VPS13C: variants seen among roughly 807,000 people sequenced by gnomAD.
The protein encoded by VPS13C is intermembrane lipid transfer protein VPS13C.
In VPS13C, 358 loss-of-function variants were observed where a neutral mutation model predicts 456.8. That is an observed-to-expected ratio of 0.78 (90% CI 0.72 to 0.86). The LOEUF (loss-of-function observed/expected upper bound fraction) is 0.86. Ranked by LOEUF, VPS13C falls within the 40% of genes least tolerant of loss-of-function variation. The pLI, the probability that VPS13C is intolerant of heterozygous loss-of-function variation, is 0.00. For synonymous variants in VPS13C, 1,578 were observed against 1,486.7 expected (o/e 1.06, Z -1.41); for missense variants, 4,818 against 4,385.4 (o/e 1.10, Z -2.79).
intron 4 of VPS13C, 58 bp downstream of exon 4, chr15:62,034,899 G>C (rs2047936972): frequency 1.7e-6 from 2 of 1,166,554 alleles, no homozygotes; most frequent in Non-Finnish European, 2.5e-6. Context: ...ACTTAACTCA[G>C]ATAACAATTT....
chr15:62,037,442 TTAAA>T (rs1241593266), intron 3 of VPS13C, among the ~76,000 whole-genome samples: 3 of 124,828 alleles, frequency 2.4e-5, no homozygotes, highest in African/African-American at 6.2e-5. Context: ...ATAATATATA[TTAAA>T]TAAATATATA....
At chr15:61,982,023 T>C (rs2045904133) in intron 21 of VPS13C, among the ~76,000 whole-genome samples, 1 of 152,206 alleles carries the variant, frequency 6.6e-6, no homozygotes, top group Non-Finnish European at 1.5e-5. Flanking sequence ...AAACCCAACA[T>C]AGCTAGTACT....
chr15:61,937,453 C>T (rs956265755), intron 47 of VPS13C, among the ~76,000 whole-genome samples: 11 of 152,062 alleles, frequency 7.2e-5, no homozygotes, highest in African/African-American at 2.7e-4. Flanking sequence ...AGTTTCTTAA[C>T]GTCCTTAACT....
intron 6 of VPS13C, among the ~76,000 whole-genome samples, chr15:62,027,007 T>G (rs940625126): frequency 6.6e-6 from 1 of 152,028 alleles, no homozygotes; most frequent in African/African-American, 2.4e-5. Flanking sequence ...AATCAAATAA[T>G]GCTTAGTATT....
intron 11 of VPS13C, 37 bp from the exon 12 acceptor site, chr15:62,012,201 T>C (rs1023662858): frequency 1.7e-6 from 2 of 1,187,052 alleles, no homozygotes; most frequent in Non-Finnish European, 2.5e-6. Flanking sequence ...AAAAAGAAAA[T>C]GCACACATAT....
intron 27 of VPS13C, among the ~76,000 whole-genome samples, chr15:61,971,533 T>C (rs1487180696): frequency 6.6e-6 from 1 of 152,156 alleles, no homozygotes; most frequent in Non-Finnish European, 1.5e-5. Flanking sequence ...AGTGCTGGGA[T>C]TACAGGCGTG....
chr15:61,884,284 C>G lies in VPS13C; in HGVS notation c.9342-15G>C, dbSNP rs377556145. 2 of 1,604,544 alleles carry G rather than the reference C, an allele frequency of 1.2e-6. No homozygotes were observed. The highest frequency in any genetic ancestry group is 2.2e-5 in the South Asian group (2 of 88,898). ...CAACACCAGAACTAAATAATTCACA[C>G]AAAAAAATTAAATTAGCAATATGTA... On this transcript the variant is annotated splice_polypyrimidine_tract_variant and intron_variant, in intron 67 of 84. Coordinates refer to ENST00000644861, the MANE Select transcript of VPS13C (RefSeq NM_020821.3).
Position 61,961,680 on chromosome 15 carries a change from T to G in VPS13C, c.3817A>C (p.Asn1273His). 6.2e-7 allele frequency: 1 copy of G among 1,614,068 alleles called. No individual in the cohort carries two copies. Among genetic ancestry groups the G allele is most frequent in the Non-Finnish European group, 8.5e-7 (1 of 1,179,950 alleles). Residue 1273 changes from asparagine to histidine, a missense_variant, in exon 35 of 85, where the codon AAT (asparagine) becomes CAT (histidine). Physicochemically the swap from Asn to His is moderately conservative, Grantham distance 68. Around this residue, in one of 3 missense-constraint regions of VPS13C, gnomAD observed 4,552 missense variants for 4,130.6 expected, o/e 1.10. Transcript: ENST00000644861. Reference protein sequence around the residue: ...VVDLGLIRVHNQFSLVSDEDY... With the variant: ...VVDLGLIRVHHQFSLVSDEDY... ...TCATCAGACACCAGACTGAACTGAT[T>G]ATGAACTCTGATTAACCCAAGATCT...
chr15:61,936,307 T>C (rs555507017), intron 48 of VPS13C, among the ~76,000 whole-genome samples: 1 of 152,286 alleles, frequency 6.6e-6, no homozygotes, highest in East Asian at 1.9e-4. Flanking sequence ...CTACACTGCC[T>C]ATCTAGCTTG....
intron 15 of VPS13C, among the ~76,000 whole-genome samples, chr15:62,006,648 T>A (rs2046859219): frequency 6.6e-6 from 1 of 152,210 alleles, no homozygotes; most frequent in East Asian, 1.9e-4. Flanking sequence ...TCAAATGGTA[T>A]TTCTAGTTCT....
intron 66 of VPS13C, among the ~76,000 whole-genome samples, chr15:61,891,806 T>C (rs914004885): frequency 6.6e-6 from 1 of 152,188 alleles, no homozygotes; most frequent in African/African-American, 2.4e-5. Context: ...AGAAGCAATG[T>C]GGCTTCACTC....
chr15:61,897,330 A>C (rs992642574), intron 66 of VPS13C, among the ~76,000 whole-genome samples: 1 of 152,204 alleles, frequency 6.6e-6, no homozygotes, highest in African/African-American at 2.4e-5. Flanking sequence ...TTAAAATCAA[A>C]GGCAAACAAG....
At chr15:61,951,158 C>A (rs1596373470) in intron 39 of VPS13C, 134 bp from the exon 40 acceptor site, 1 of 528,810 alleles carries the variant, frequency 1.9e-6, no homozygotes, top group Non-Finnish European at 3.3e-6. Flanking sequence ...GAAGTATGTT[C>A]TGTATAAATC....
chr15:62,016,532 T>A (rs181612383), intron 9 of VPS13C, among the ~76,000 whole-genome samples: 3,806 of 151,172 alleles, frequency 0.025, 62 homozygotes, highest in East Asian at 0.071. Flanking sequence ...TTTGGTTTTT[T>A]GTCCTTGCAA....
rs867638017 is a variant in VPS13C at position 61,899,617 on chromosome 15, T to A, written c.9105+7647A>T. On this transcript the variant is annotated intron_variant, in intron 66 of 84. Transcript: ENST00000644861. ...ACAGGATCTGAAATTGTGGCAATAA[T>A]CAATAGCTTACCAACCAAAAAGAGT... 9.1e-3 allele frequency among the ~76,000 whole-genome samples: 1,356 copies of A among 148,718 alleles called. 25 individuals carry two copies. Among genetic ancestry groups the A allele is most frequent in the African/African-American group, 0.029 (1,188 of 40,592 alleles).
chr15:61,951,509 AT>A (rs1223978486), intron 39 of VPS13C, among the ~76,000 whole-genome samples: 1 of 152,098 alleles, frequency 6.6e-6, no homozygotes, highest in South Asian at 2.1e-4. Flanking sequence ...GATGATATTA[AT>A]TTTTTCCTCT....
intron 8 of VPS13C, among the ~76,000 whole-genome samples, chr15:62,022,869 G>T (rs1036937287): frequency 2.6e-5 from 4 of 151,908 alleles, no homozygotes; most frequent in African/African-American, 9.7e-5. Context: ...CAGTTAAACA[G>T]TTCTTAATCA....
chr15:61,943,608 C>T (rs1376157447), intron 45 of VPS13C, among the ~76,000 whole-genome samples: 1 of 151,894 alleles, frequency 6.6e-6, no homozygotes, highest in African/African-American at 2.4e-5. Context: ...GGTGAAAGGA[C>T]CCCTACCTTT....
At chr15:62,003,843 A>G (rs1224836558) in intron 15 of VPS13C, among the ~76,000 whole-genome samples, 1 of 151,574 alleles carries the variant, frequency 6.6e-6, no homozygotes, top group Non-Finnish European at 1.5e-5. Flanking sequence ...CGTATGTTGA[A>G]CCAGCCTTGC....
Sources: allele counts gnomAD v4.1 joint callset (sites outside exome capture counted in the v4.1 genomes callset), GRCh38; gene constraint gnomAD v4.1.1; regional missense constraint gnomAD v4.1.1; transcripts MANE v1.5; gene names NCBI Gene and HGNC (gene_info 2026-07-23, HGNC 2026-07-21).